The following KLF15 variants were observed in gnomAD, a reference collection of about 807,000 sequenced individuals.
KLF15 encodes the protein Krueppel-like factor 15.
In KLF15, 4 loss-of-function variants were observed where a neutral mutation model predicts 24.6. The observed-to-expected ratio is 0.16, with a 90% CI of 0.08 to 0.37. The LOEUF (loss-of-function observed/expected upper bound fraction) is 0.37, where lower values mean the gene tolerates loss of function less well. KLF15 is among the 10% of genes least tolerant of loss of function. KLF15 has a pLI of 1.00. For missense variants in KLF15, 496 were observed against 560.6 expected (o/e 0.88, Z 1.16); for synonymous variants, 246 against 236.3 (o/e 1.04, Z -0.37).
chr3:126,299,183 T>A, the KLF15 span, among the ~76,000 whole-genome samples: 1 of 152,226 alleles, frequency 6.6e-6, no homozygotes, highest in African/African-American at 2.4e-5. Context: ...ATCTTTCACT[T>A]CCTTGGTTAA....
At chr3:126,290,669 A>G in the KLF15 span, 1 of 152,212 alleles carries the variant, frequency 6.6e-6, no homozygotes, top group Non-Finnish European at 1.5e-5. Flanking sequence ...CCAAGATTAC[A>G]GAAGCATCCA....
the KLF15 span, among the ~76,000 whole-genome samples, chr3:126,298,178 A>G: frequency 6.6e-6 from 1 of 151,304 alleles, no homozygotes; most frequent in Non-Finnish European, 1.5e-5. Context: ...TACGGTTTTG[A>G]TTTGCATTTT....
chr3:126,312,323 G>A, the KLF15 span, among the ~76,000 whole-genome samples: 2 of 152,160 alleles, frequency 1.3e-5, no homozygotes, highest in Non-Finnish European at 2.9e-5. Context: ...ATAGGTGCAT[G>A]CCACCATGCC....
chr3:126,342,266 G>A (rs544824529), downstream of KLF15, among the ~76,000 whole-genome samples: 4 of 152,326 alleles, frequency 2.6e-5, no homozygotes, highest in East Asian at 1.9e-4. Context: ...ATGTGTAATA[G>A]GTTTGGTGGA....
In KLF15 at chr3:126,352,428, C is replaced by T. The variant is rs1233621569; in HGVS notation, c.495G>A (p.Lys165=). ...AGAGCTGGCTGCAGGCATCCAAGTC[C>T]TTGCTGTTGCCCTCAGGGACCTCCT... ...GVKEVPEGNS[K]DLDACSQLSA... Residue 165 remains lysine (K), a synonymous_variant, in exon 2 of 3, where the codon AAG becomes AAA. Transcript: ENST00000296233. 1 of 1,613,632 alleles carries T rather than the reference C, an allele frequency of 6.2e-7. No individual in the cohort carries two copies. The highest frequency in any genetic ancestry group is 2.2e-5 in the East Asian group (1 of 44,882).
the KLF15 span, among the ~76,000 whole-genome samples, chr3:126,298,026 C>T: frequency 6.6e-6 from 1 of 152,200 alleles, no homozygotes; most frequent in Non-Finnish European, 1.5e-5. Context: ...AATCTCCATA[C>T]TGTTTTCCGT....
rs1485472945 is a variant in KLF15 at position 126,342,726 on chromosome 3, T to G, written c.*1001A>C. 1 of 152,596 alleles carries G rather than the reference T, an allele frequency of 6.6e-6. No homozygotes were observed. The highest frequency in any genetic ancestry group is 1.9e-4 in the East Asian group (1 of 5,200). 9.5% of individuals were successfully genotyped at this position (152,596 alleles called of 1,614,324 possible). A position where few individuals can be genotyped will look rare whatever the true frequency, so the allele number is the denominator to read the frequency against. ...GTAATTGTAACATATGTACACCAGC[T>G]TCATAGATTTTTTTAAATTTCAAAT... On this transcript the variant is annotated 3_prime_UTR_variant, in exon 3 of 3. Transcript: ENST00000296233.
the KLF15 span, among the ~76,000 whole-genome samples, chr3:126,290,523 C>CCTTT: frequency 6.6e-6 from 1 of 151,604 alleles, no homozygotes; most frequent in Non-Finnish European, 1.5e-5. Flanking sequence ...TTCCTTCCTT[C>CCTTT]CTTCCTTCCT....
downstream of KLF15, among the ~76,000 whole-genome samples, chr3:126,339,202 C>A (rs935639828): frequency 6.6e-6 from 1 of 152,184 alleles, no homozygotes; most frequent in East Asian, 1.9e-4. Context: ...AGAATGGGAG[C>A]CGAGCCAGAG....
chr3:126,357,152 G>A (rs2082640345), intron 1 of KLF15, 85 bp downstream of exon 1: 1 of 151,106 alleles, frequency 6.6e-6, no homozygotes, highest in South Asian at 2.1e-4. Flanking sequence ...GCGGGAGCAC[G>A]GCCACGCGCC....
the KLF15 span, among the ~76,000 whole-genome samples, chr3:126,310,191 G>A: frequency 6.6e-6 from 1 of 152,196 alleles, no homozygotes; most frequent in Non-Finnish European, 1.5e-5. Context: ...ACCTTGTAAA[G>A]GCCTCACCTC....
chr3:126,324,833 A>G, the KLF15 span, among the ~76,000 whole-genome samples: 1 of 56,068 alleles, frequency 1.8e-5, no homozygotes, highest in Non-Finnish European at 3.2e-5. Context: ...TTATACTCTA[A>G]GTTTTAGGGT....
chr3:126,323,146 G>A, the KLF15 span, among the ~76,000 whole-genome samples: 1 of 150,192 alleles, frequency 6.7e-6, no homozygotes, highest in South Asian at 2.1e-4. Flanking sequence ...TATAAAAAGA[G>A]TGTAAAGAAT....
intron 2 of KLF15, among the ~76,000 whole-genome samples, chr3:126,344,491 G>A (rs1039764809): frequency 2.0e-5 from 3 of 152,158 alleles, no homozygotes; most frequent in African/African-American, 4.8e-5. Context: ...ATGCTACCAG[G>A]GACCAGGGCT....
intron 1 of KLF15, 27 bp downstream of exon 1, chr3:126,357,210 C>G (rs1218578238): frequency 6.7e-6 from 1 of 149,442 alleles, no homozygotes; most frequent in Non-Finnish European, 1.5e-5. Flanking sequence ...TCCACGCGGC[C>G]GGCCGGCCCC....
chr3:126,334,232 A>G, the KLF15 span, among the ~76,000 whole-genome samples: 1 of 152,006 alleles, frequency 6.6e-6, no homozygotes, highest in African/African-American at 2.4e-5. Flanking sequence ...CTCTCAGACC[A>G]CAGTGCGATC....
rs138576711 is a variant in KLF15, at chr3:126,352,098, G to A, written c.825C>T (p.Pro275=). The part of the protein sequence containing the change: ...QVVPSSNLNL[P]SKFVRIAPVP... ...CAGGGGCAATGCGCACAAACTTGGAGGGCAGGTTCAAGTTGGAGGAGGGTA... is the reference window on the plus strand; with the variant it reads ...CAGGGGCAATGCGCACAAACTTGGAAGGCAGGTTCAAGTTGGAGGAGGGTA... The change falls in exon 2 of 3, where the codon CCC becomes CCT. Residue 275 remains proline, a synonymous_variant. Transcript: ENST00000296233. 1,622 of 1,551,196 alleles carry A rather than the reference G, an allele frequency of 1.0e-3. 15 individuals are homozygous for A. In the African/African-American group the frequency reaches 0.019, roughly 18 times the overall value.
chr3:126,296,215 G>A, the KLF15 span, among the ~76,000 whole-genome samples: 1 of 152,112 alleles, frequency 6.6e-6, no homozygotes. Context: ...TTTTTAATGT[G>A]TGCTAAATTT....
Position 126,343,817 on chromosome 3 carries a change from C to T in KLF15, c.1161G>A (p.Glu387=), listed in dbSNP as rs1172693953. ...GVKPYQCPVC[E]KKFARSDHLS... ...GGTGGTCGCTCCGCGCGAACTTCTT[C>T]TCGCACACAGGACACTGGTACGGCT... The change falls in exon 3 of 3, where the codon GAG becomes GAA. Residue 387 remains glutamate, a synonymous_variant. Transcript: ENST00000296233. The T allele has an allele frequency of 6.2e-7, 1 of 1,611,870 alleles. No homozygotes were observed. The highest frequency in any genetic ancestry group is 2.2e-5 in the East Asian group (1 of 44,858).
Sources: allele counts gnomAD v4.1 joint callset (sites outside exome capture counted in the v4.1 genomes callset), GRCh38; gene constraint gnomAD v4.1.1; transcripts MANE v1.5; gene names NCBI Gene and HGNC (gene_info 2026-07-23, HGNC 2026-07-21).